INPP5A: variants seen among roughly 807,000 people sequenced by gnomAD.
INPP5A encodes 43 kDa inositol polyphosphate 5-phophatase.
Under a neutral mutation model 65.2 loss-of-function variants are expected in INPP5A, and 14 were observed. The ratio of observed to expected loss-of-function variants is 0.21; its 90% confidence interval spans 0.14 to 0.34. The LOEUF is 0.34. Ranked by LOEUF, INPP5A falls within the 10% of genes least tolerant of loss-of-function variation. The pLI is 1.00. For synonymous variants in INPP5A, 207 were observed against 208.3 expected (o/e 0.99, Z 0.05); for missense variants, 431 against 545.6 (o/e 0.79, Z 2.09).
chr10:132,686,954 T>A (rs756806166), intron 4 of INPP5A, among the ~76,000 whole-genome samples: 16 of 152,236 alleles, frequency 1.1e-4, no homozygotes, highest in Non-Finnish European at 1.8e-4. Context: ...TTTAATTTTC[T>A]ATTTTTTTGA....
chr10:132,559,352 T>C lies in INPP5A; in HGVS notation c.75+21181T>C, dbSNP rs180699425. Among the ~76,000 whole-genome samples the C allele has an allele frequency of 8.9e-3, 1,349 of 152,356 alleles. 5 individuals carry two copies. The highest frequency in any genetic ancestry group is 0.02 in the Middle Eastern group (6 of 294). On this transcript the variant is annotated intron_variant, in intron 1 of 15. Coordinates refer to ENST00000368594, the MANE Select transcript of INPP5A (RefSeq NM_005539.5). ...TTGGCTGCATTTATTGTTGTCGATA[T>C]TACTTTTAATTAGGACAAAATTCAG...
At chr10:132,780,344 G>T (rs990919105) in intron 13 of INPP5A, among the ~76,000 whole-genome samples, 1 of 152,230 alleles carries the variant, frequency 6.6e-6, no homozygotes, top group Non-Finnish European at 1.5e-5. Flanking sequence ...TGTGGAATTC[G>T]GTGTCTGTTC....
rs563689524 is a variant in INPP5A at position 132,748,464 on chromosome 10, G to C, written c.733-1053G>C. Among the ~76,000 whole-genome samples, 5 of 152,332 alleles carry C rather than the reference G, an allele frequency of 3.3e-5. No individual in the cohort carries two copies. The East Asian group carries it at 7.7e-4, about 24-fold the overall frequency. ...TTCTTGTTTTCATGACTTCTGCCAA[G>C]CTCGGAGAGCTCAGTGCCCACAAGG... On this transcript the variant is annotated intron_variant, in intron 9 of 15. Transcript: ENST00000368594.
At position 132,546,756 on chromosome 10, in the gene INPP5A, G is replaced by C. The variant is rs2070978695; in HGVS notation, c.75+8585G>C. Among the ~76,000 whole-genome samples the C allele has an allele frequency of 1.3e-5, 2 of 152,148 alleles. No individual in the cohort carries two copies. Among genetic ancestry groups the C allele is most frequent in the Non-Finnish European group, 2.9e-5 (2 of 68,030 alleles). On this transcript the variant is annotated intron_variant, in intron 1 of 15. Transcript: ENST00000368594. This position sits in a 1 kb window ranked among gnomAD's most constrained non-coding sequence, Gnocchi z 5.7. ...CCCCGGGCCCCCTGGGCTCTGGCCTGTCCCCTTGTCCCCACCTGACCGCCC... is the reference window on the plus strand; with the variant it reads ...CCCCGGGCCCCCTGGGCTCTGGCCTCTCCCCTTGTCCCCACCTGACCGCCC...
At chr10:132,586,541 T>G (rs2071547071) in intron 1 of INPP5A, among the ~76,000 whole-genome samples, 1 of 152,216 alleles carries the variant, frequency 6.6e-6, no homozygotes, top group Non-Finnish European at 1.5e-5. Flanking sequence ...GCGGAACATC[T>G]GGAGGCGTCA....
chr10:132,680,662 G>A (rs1401054712), intron 4 of INPP5A, among the ~76,000 whole-genome samples: 1 of 152,268 alleles, frequency 6.6e-6, no homozygotes, highest in African/African-American at 2.4e-5. Flanking sequence ...GGTGTGGAGG[G>A]AGAGGCGCTA....
chr10:132,609,541 C>T (rs1002599624), intron 2 of INPP5A, among the ~76,000 whole-genome samples: 12 of 152,340 alleles, frequency 7.9e-5, no homozygotes, highest in African/African-American at 2.6e-4. Context: ...TGTGTGTGAC[C>T]GGCAAGGAGC....
At chr10:132,712,295 AGT>A (rs375354112) in intron 8 of INPP5A, among the ~76,000 whole-genome samples, 7 of 151,132 alleles carry the variant, frequency 4.6e-5, no homozygotes, top group Admixed American at 3.3e-4. Flanking sequence ...CATGCATGTG[AGT>A]GTATGCACAG....
Position 132,562,399 on chromosome 10 carries a change from G to A in INPP5A, c.75+24228G>A, listed in dbSNP as rs559236406. Among the ~76,000 whole-genome samples, 10 of 152,368 alleles carry A rather than the reference G, an allele frequency of 6.6e-5. No individual in the cohort carries two copies. In the East Asian group the frequency reaches 1.5e-3, roughly 24 times the overall value. On this transcript the variant is annotated intron_variant, in intron 1 of 15. Transcript: ENST00000368594. ...GTGTTGTCAGGAGGTGGGAGGACAC[G>A]TAGGTGAACCTGGGCCTGGGGGTGG...
At chr10:132,569,802 C>T (rs1447256670) in intron 1 of INPP5A, among the ~76,000 whole-genome samples, 2 of 147,924 alleles carry the variant, frequency 1.4e-5, no homozygotes, top group Non-Finnish European at 3.0e-5. Context: ...CCGCACTGGG[C>T]CCCCACTGTT....
intron 5 of INPP5A, among the ~76,000 whole-genome samples, chr10:132,695,025 A>C (rs1845323565): frequency 6.6e-6 from 1 of 152,246 alleles, no homozygotes; most frequent in South Asian, 2.1e-4. Context: ...CAAACGTCCT[A>C]AATCATTCTA....
At chr10:132,769,808 C>G (rs12415577) in intron 12 of INPP5A, among the ~76,000 whole-genome samples, 14,644 of 151,678 alleles carry the variant, frequency 0.097, 1,004 homozygotes, top group East Asian at 0.21. Flanking sequence ...GCTCCCCCCC[C>G]CCAAGTTCCT....
rs1846534813 is a variant in INPP5A at position 132,753,528 on chromosome 10, T to A, written c.903+3683T>A. ...CCATGCCTATTGACTTTTTCTATGA[T>A]TTATAGCTTTGTTTAGTCGATATTC... is the stretch of plus-strand genomic sequence containing the variant. On this transcript the variant is annotated intron_variant, in intron 11 of 15. Coordinates refer to ENST00000368594, the MANE Select transcript of INPP5A (RefSeq NM_005539.5). The surrounding 1 kb of genome is among the most constrained non-coding windows in gnomAD (Gnocchi z 5.3). 6.6e-6 allele frequency among the ~76,000 whole-genome samples: 1 copy of A among 152,174 alleles called. No homozygotes were observed. Among genetic ancestry groups the A allele is most frequent in the African/African-American group, 2.4e-5 (1 of 41,442 alleles).
At position 132,537,953 on chromosome 10, in the gene INPP5A, C is replaced by G; in HGVS notation, c.-144C>G. On this transcript the variant is annotated 5_prime_UTR_variant, in exon 1 of 16. Coordinates refer to ENST00000368594, the MANE Select transcript of INPP5A (RefSeq NM_005539.5). The stretch of plus-strand genomic sequence containing the variant: ...CGGAGCCCCGGCCAGGCCCGGCCGA[C>G]CCGCCGAGCCCGCGATGCGCCCCGG... 5.8e-6 allele frequency: 1 copy of G among 171,948 alleles called. No homozygotes were observed. Among genetic ancestry groups the G allele is most frequent in the Non-Finnish European group, 1.1e-5 (1 of 88,582 alleles). The allele number at this position is 171,948 out of a possible 1,614,324, so 10.7% of individuals were successfully genotyped here.
intron 2 of INPP5A, among the ~76,000 whole-genome samples, chr10:132,617,085 C>A (rs2072045613): frequency 6.6e-6 from 1 of 152,174 alleles, no homozygotes; most frequent in African/African-American, 2.4e-5. Flanking sequence ...TGCAGGCTCT[C>A]TCTCCCTCCA....
intron 8 of INPP5A, among the ~76,000 whole-genome samples, chr10:132,721,689 G>A (rs952169780): frequency 2.1e-5 from 3 of 143,574 alleles, no homozygotes; most frequent in Admixed American, 6.7e-5. Flanking sequence ...GCTGTCTTGC[G>A]GGTTCTGTGG....
At chr10:132,641,991 C>G (rs1184440762) in intron 2 of INPP5A, among the ~76,000 whole-genome samples, 1 of 152,212 alleles carries the variant, frequency 6.6e-6, no homozygotes, top group African/African-American at 2.4e-5. Context: ...CAGTGTGGAC[C>G]AGTGCTGGCG....
At chr10:132,562,512 G>C (rs1271050007) in intron 1 of INPP5A, among the ~76,000 whole-genome samples, 1 of 152,254 alleles carries the variant, frequency 6.6e-6, no homozygotes, top group Non-Finnish European at 1.5e-5. Context: ...TCGGCTCCCT[G>C]CACACCCGTC....
intron 2 of INPP5A, among the ~76,000 whole-genome samples, chr10:132,635,988 A>C (rs2072345570): frequency 6.6e-6 from 1 of 151,670 alleles, no homozygotes; most frequent in South Asian, 2.1e-4. Flanking sequence ...AAAGACAAAA[A>C]AAAAAAAAAA....
Sources: allele counts gnomAD v4.1 joint callset (sites outside exome capture counted in the v4.1 genomes callset), GRCh38; gene constraint gnomAD v4.1.1; non-coding constraint Gnocchi (gnomAD v3.1); transcripts MANE v1.5; gene names NCBI Gene and HGNC (gene_info 2026-07-23, HGNC 2026-07-21).